The following PRDM6 variants were observed in gnomAD, a reference collection of about 807,000 sequenced individuals.
PRDM6 encodes the protein putative histone-lysine N-methyltransferase PRDM6.
A neutral mutation model predicts 60.8 loss-of-function variants in PRDM6; 25 were observed. The observed-to-expected ratio is 0.41, with a 90% CI of 0.30 to 0.57. The LOEUF (loss-of-function observed/expected upper bound fraction) is 0.57, where lower values mean the gene tolerates loss of function less well. Among genes scored for constraint, PRDM6 ranks in the 20% least tolerant of loss-of-function variants. The pLI is 0.27. For missense variants in PRDM6, 839 were observed against 821.3 expected, an observed-to-expected ratio of 1.02 and a Z score of -0.26; for synonymous variants, 407 against 357.4, an observed-to-expected ratio of 1.14 and a Z score of -1.57.
chr5:123,158,514 T>C (rs1765557143), intron 4 of PRDM6, among the ~76,000 whole-genome samples: 1 of 152,222 alleles, frequency 6.6e-6, no homozygotes, highest in Admixed American at 6.5e-5. Flanking sequence ...AATGAAATTT[T>C]TGCAGCTGCA....
intron 3 of PRDM6, among the ~76,000 whole-genome samples, chr5:123,146,036 C>CT (rs1185062885): frequency 1.3e-5 from 2 of 152,162 alleles, no homozygotes; most frequent in Admixed American, 6.5e-5. Context: ...AGTAGTCTGT[C>CT]TATTTTTTAG....
In PRDM6 at chr5:123,187,434, C is replaced by T. The variant is rs1241912139; in HGVS notation, c.*233C>T. 3.6e-5 allele frequency: 12 copies of T among 334,238 alleles called. No homozygotes were observed. In the East Asian group the frequency reaches 6.1e-4, roughly 17 times the overall value. 20.7% of individuals were successfully genotyped at this position (334,238 alleles called of 1,614,324 possible). On this transcript the variant is annotated 3_prime_UTR_variant, in exon 8 of 8. Transcript: ENST00000407847. ...GAGACTTATTTCAGTGGACAACTAA[C>T]CTGGGATGGTTAACATTTCCAGTCC...
At chr5:123,157,857 T>C (rs1765537306) in intron 4 of PRDM6, among the ~76,000 whole-genome samples, 1 of 152,242 alleles carries the variant, frequency 6.6e-6, no homozygotes, top group African/African-American at 2.4e-5. Context: ...AGGCTGACAA[T>C]AATGTTTATT....
chr5:123,119,535 G>C (rs943489040), intron 3 of PRDM6, among the ~76,000 whole-genome samples: 1 of 152,126 alleles, frequency 6.6e-6, no homozygotes, highest in East Asian at 1.9e-4. Flanking sequence ...AACTTCTGCC[G>C]GTGATGCCTG....
At chr5:123,095,304 A>C (rs1763931530) in intron 2 of PRDM6, among the ~76,000 whole-genome samples, 1 of 152,202 alleles carries the variant, frequency 6.6e-6, no homozygotes, top group Non-Finnish European at 1.5e-5. Flanking sequence ...GGGACCTTCA[A>C]AACTCAGCCT....
rs112307044 is a variant in PRDM6 at position 123,128,083 on chromosome 5, G to A, written c.901-27801G>A. Among the ~76,000 whole-genome samples, 1,372 of 152,224 alleles carry A rather than the reference G, an allele frequency of 9.0e-3. 28 individuals carry two copies. The highest frequency in any genetic ancestry group is 0.031 in the African/African-American group (1,304 of 41,516). On this transcript the variant is annotated intron_variant, in intron 3 of 7. Coordinates refer to ENST00000407847, the MANE Select transcript of PRDM6 (RefSeq NM_001136239.4). ...GGTTCCCAGCTTCATCCATGTCCCT[G>A]CAAAGGACATGAACTCATCCTTTTT...
intron 3 of PRDM6, among the ~76,000 whole-genome samples, chr5:123,134,523 T>G (rs981515894): frequency 2.6e-5 from 4 of 152,284 alleles, no homozygotes; most frequent in Middle Eastern, 3.4e-3. Flanking sequence ...CCCCATCTAT[T>G]TAGAAAACAT....
Position 123,099,277 on chromosome 5 carries a change from T to A in PRDM6, c.593-377T>A, listed in dbSNP as rs776376634. Among the ~76,000 whole-genome samples the A allele has an allele frequency of 7.3e-5, 11 of 151,090 alleles. No individual in the cohort carries two copies. The highest frequency in any genetic ancestry group is 7.3e-4 in the Admixed American group (11 of 15,168). On this transcript the variant is annotated intron_variant, in intron 2 of 7. Coordinates refer to ENST00000407847, the MANE Select transcript of PRDM6 (RefSeq NM_001136239.4). The surrounding 1 kb of genome is among the most constrained non-coding windows in gnomAD (Gnocchi z 4.0). ...GAGGGTCAGAAGGAACGAGAGACAG[T>A]AGGGAAGAGAGAGAGAGAGACAGAG...
intron 4 of PRDM6, among the ~76,000 whole-genome samples, chr5:123,156,833 G>A (rs1227441588): frequency 6.6e-6 from 1 of 152,110 alleles, no homozygotes; most frequent in Non-Finnish European, 1.5e-5. Flanking sequence ...GGAGATGAGA[G>A]GGCAAAAACA....
rs910507076 is a variant in PRDM6 at position 123,170,862 on chromosome 5, G to A, written c.1250G>A (p.Arg417His). The change falls in exon 6 of 8, where the codon CGC becomes CAC. Residue 417 changes from arginine to histidine, a missense_variant. Around this residue, in one of 2 missense-constraint regions of PRDM6, gnomAD observed 730 missense variants for 648.8 expected, o/e 1.13. Coordinates refer to ENST00000407847, the MANE Select transcript of PRDM6 (RefSeq NM_001136239.4). ...SSKLAPTTQQ[R>H]SVVFPQTPCS... ...AAACTCGCCCCTACCACCCAGCAGC[G>A]CTCCGTTGTTTTCCCCCAGACTCCG... 1.0e-5 allele frequency: 16 copies of A among 1,551,990 alleles called. No individual in the cohort carries two copies. Among genetic ancestry groups the A allele is most frequent in the East Asian group, 2.4e-5 (1 of 40,924 alleles).
chr5:123,090,059 G>A lies in PRDM6; in HGVS notation c.45G>A (p.Val15=), dbSNP rs748657291. Residue 15 remains valine (V), a synonymous_variant, in exon 2 of 8, where the codon GTG becomes GTA. Transcript: ENST00000407847. ...GDPGGSAFLK[V]DPAYLQHWQQ... Reference sequence around the variant, plus strand: ...CCGGCGGTTCGGCCTTCCTCAAAGTGGACCCAGCCTACCTGCAGCACTGGC... The same window carrying A: ...CCGGCGGTTCGGCCTTCCTCAAAGTAGACCCAGCCTACCTGCAGCACTGGC... 9.5e-5 allele frequency: 147 copies of A among 1,548,454 alleles called. 2 individuals are homozygous for A. The Middle Eastern group carries it at 2.8e-3, about 30-fold the overall frequency.
intron 3 of PRDM6, among the ~76,000 whole-genome samples, chr5:123,111,752 C>G (rs1764321864): frequency 6.6e-6 from 1 of 152,064 alleles, no homozygotes; most frequent in African/African-American, 2.4e-5. Context: ...CTTCCTTGCC[C>G]CTTGTGGTTG....
intron 2 of PRDM6, among the ~76,000 whole-genome samples, chr5:123,097,638 A>C (rs531267128): frequency 5.9e-5 from 8 of 136,424 alleles, no homozygotes; most frequent in Admixed American, 3.7e-4. Flanking sequence ...TTATTTTCAC[A>C]ATCAATAAGC....
intron 5 of PRDM6, among the ~76,000 whole-genome samples, chr5:123,162,702 T>C (rs576629357): frequency 2.0e-5 from 3 of 152,352 alleles, no homozygotes; most frequent in Non-Finnish European, 4.4e-5. Context: ...AAGGGTATTA[T>C]AGGAATTTTA....
At chr5:123,180,114 A>G in intron 6 of PRDM6, 33 bp from the exon 7 acceptor site, 2 of 1,500,800 alleles carry the variant, frequency 1.3e-6, no homozygotes, top group Non-Finnish European at 1.8e-6. Flanking sequence ...AACGCAGAAA[A>G]CAATGACCAG....
At chr5:123,096,733 A>G (rs968569304) in intron 2 of PRDM6, among the ~76,000 whole-genome samples, 13 of 152,362 alleles carry the variant, frequency 8.5e-5, no homozygotes, top group Non-Finnish European at 1.6e-4. Flanking sequence ...TAATAGTAGC[A>G]TAATGCTACT....
chr5:123,156,111 A>C, intron 4 of PRDM6, 100 bp downstream of exon 4: 22 of 1,177,998 alleles, frequency 1.9e-5, no homozygotes, highest in Non-Finnish European at 2.2e-5. Context: ...ATCCTGCAGA[A>C]CTCTGCAAGG....
intron 5 of PRDM6, 57 bp downstream of exon 5, chr5:123,159,695 CT>C: frequency 1.3e-6 from 2 of 1,514,354 alleles, no homozygotes; most frequent in South Asian, 1.2e-5. Flanking sequence ...TCAAAGCTAA[CT>C]TTTTAAGAGC....
intron 6 of PRDM6, among the ~76,000 whole-genome samples, chr5:123,176,287 A>AT: frequency 6.6e-6 from 1 of 151,504 alleles, no homozygotes; most frequent in Admixed American, 6.6e-5. Flanking sequence ...AAAAAAACAA[A>AT]AAAAAAACCA....
Sources: allele counts gnomAD v4.1 joint callset (sites outside exome capture counted in the v4.1 genomes callset), GRCh38; gene constraint gnomAD v4.1.1; regional missense constraint gnomAD v4.1.1; non-coding constraint Gnocchi (gnomAD v3.1); transcripts MANE v1.5; gene names NCBI Gene and HGNC (gene_info 2026-07-23, HGNC 2026-07-21).